Variants in LNX1 observed in about 807,000 individuals in gnomAD.
LNX1 encodes E3 ubiquitin-protein ligase LNX.
In LNX1, 54 loss-of-function variants were observed where a neutral mutation model predicts 68.4. The observed-to-expected ratio is 0.79, with a 90% CI of 0.63 to 0.99. The LOEUF (loss-of-function observed/expected upper bound fraction) is 0.99, where lower values mean the gene tolerates loss of function less well. LNX1 is among the 50% of genes least tolerant of loss of function. The probability of loss-of-function intolerance (pLI) is 0.00; values close to 1 mark genes in which losing one functional copy is unlikely to be tolerated. For synonymous variants in LNX1, 336 were observed against 350.0 expected (o/e 0.96, Z 0.45); for missense variants, 906 against 926.4 (o/e 0.98, Z 0.29).
intron 2 of LNX1, among the ~76,000 whole-genome samples, chr4:53,554,384 A>G (rs1242801859): frequency 2.0e-5 from 3 of 152,246 alleles, no homozygotes; most frequent in Non-Finnish European, 4.4e-5. Flanking sequence ...GTCGTTATAA[A>G]CTATTGGCCC....
chr4:53,541,975 C>T, intron 2 of LNX1, among the ~76,000 whole-genome samples: 1 of 152,168 alleles, frequency 6.6e-6, no homozygotes, highest in South Asian at 2.1e-4. Context: ...CTCCAGATGA[C>T]ACATGGCCCT....
chr4:53,629,835 T>A (rs1734204709), intron 1 of LNX1, among the ~76,000 whole-genome samples: 1 of 152,172 alleles, frequency 6.6e-6, no homozygotes, highest in African/African-American at 2.4e-5. Flanking sequence ...TTAAAAAATA[T>A]TGCAGGTACG....
intron 2 of LNX1, among the ~76,000 whole-genome samples, chr4:53,518,173 G>T (rs926813863): frequency 6.6e-6 from 1 of 152,190 alleles, no homozygotes; most frequent in African/African-American, 2.4e-5. Context: ...CAGGAGAGGC[G>T]TGATGTGCCT....
chr4:53,476,227 G>A (rs1449218799), intron 9 of LNX1, among the ~76,000 whole-genome samples: 1 of 152,172 alleles, frequency 6.6e-6, no homozygotes, highest in African/African-American at 2.4e-5. Flanking sequence ...GAACCCAGGA[G>A]GCCAAGGTTG....
At chr4:53,533,875 A>G (rs890415746) in intron 2 of LNX1, among the ~76,000 whole-genome samples, 3 of 152,204 alleles carry the variant, frequency 2.0e-5, no homozygotes, top group African/African-American at 7.2e-5. Context: ...AGGGGTGCCA[A>G]GCATCTGTGT....
At chr4:53,581,558 G>A (rs1420923901) in intron 1 of LNX1, among the ~76,000 whole-genome samples, 1 of 152,166 alleles carries the variant, frequency 6.6e-6, no homozygotes, top group Admixed American at 6.5e-5. Context: ...TCACAATCAT[G>A]GCGGAAGGTG....
At chr4:53,521,787 C>T (rs887763138) in intron 2 of LNX1, among the ~76,000 whole-genome samples, 3 of 152,092 alleles carry the variant, frequency 2.0e-5, no homozygotes, top group African/African-American at 7.2e-5. Context: ...CTTCTTCTAT[C>T]ACCCTTGGGC....
At chr4:53,501,299 T>TTTTGGGGGGGG (rs56165716) in intron 4 of LNX1, among the ~76,000 whole-genome samples, 4 of 38,794 alleles carry the variant, frequency 1.0e-4, no homozygotes, top group South Asian at 5.2e-4. Flanking sequence ...TTTTTTTTTT[T>TTTTGGGGGGGG]GGGGGTGGGG....
chr4:53,594,918 C>T (rs1462209384), upstream of LNX1, among the ~76,000 whole-genome samples: 4 of 152,052 alleles, frequency 2.6e-5, no homozygotes, highest in African/African-American at 9.7e-5. Context: ...CACTATGGTG[C>T]CCAGGCTGTT....
chr4:53,490,128 A>T (rs562766471), intron 6 of LNX1, among the ~76,000 whole-genome samples: 1 of 42,288 alleles, frequency 2.4e-5, no homozygotes, highest in East Asian at 1.1e-3. Context: ...TTAAATATTG[A>T]TTCATATAAG....
In LNX1 at chr4:53,562,321, A is replaced by G. The variant is rs189237133; in HGVS notation, c.380+11302T>C. Among the ~76,000 whole-genome samples, 461 of 152,308 alleles carry G rather than the reference A, an allele frequency of 3.0e-3. 1 individual carries two copies. Among genetic ancestry groups the G allele is most frequent in the Middle Eastern group, 0.014 (4 of 294 alleles). On this transcript the variant is annotated intron_variant, in intron 2 of 10. Coordinates refer to ENST00000263925, the MANE Select transcript of LNX1 (RefSeq NM_001126328.3). ...GGCTGCCATTCAACTCAATAAGTCC[A>G]TCACCACCCTGGGAATTCTCTACAG... is the stretch of plus-strand genomic sequence containing the variant.
At chr4:53,543,254 C>A (rs1728882135) in intron 2 of LNX1, among the ~76,000 whole-genome samples, 1 of 152,192 alleles carries the variant, frequency 6.6e-6, no homozygotes, top group Admixed American at 6.5e-5. Flanking sequence ...GCAAGGCCTG[C>A]TTATGTAGAA....
intron 2 of LNX1, among the ~76,000 whole-genome samples, chr4:53,566,886 T>A (rs1434453068): frequency 1.3e-5 from 2 of 151,740 alleles, no homozygotes; most frequent in Non-Finnish European, 2.9e-5. Flanking sequence ...CCAACAAAGA[T>A]CAAAAGAGAC....
chr4:53,462,095 G>A (rs1402071368), intron 9 of LNX1, among the ~76,000 whole-genome samples: 1 of 152,048 alleles, frequency 6.6e-6, no homozygotes, highest in Admixed American at 6.6e-5. Context: ...TTTACACCCA[G>A]TGCTACGTTT....
intron 1 of LNX1, among the ~76,000 whole-genome samples, chr4:53,590,170 A>G (rs1732422812): frequency 6.6e-6 from 1 of 152,210 alleles, no homozygotes; most frequent in African/African-American, 2.4e-5. Context: ...GACAGAAATT[A>G]GCAACAAGAA....
At chr4:53,571,605 A>G (rs1232427664) in intron 2 of LNX1, among the ~76,000 whole-genome samples, 1 of 150,496 alleles carries the variant, frequency 6.6e-6, no homozygotes, top group Non-Finnish European at 1.5e-5. Context: ...TGACACCTCA[A>G]TGTTAGTCCA....
At chr4:53,629,566 G>A (rs1425986828) in intron 1 of LNX1, among the ~76,000 whole-genome samples, 1 of 152,236 alleles carries the variant, frequency 6.6e-6, no homozygotes, top group Non-Finnish European at 1.5e-5. Context: ...ACAAACTGCA[G>A]CCCTGCCCAA....
intron 9 of LNX1, among the ~76,000 whole-genome samples, chr4:53,466,109 C>T (rs1448971370): frequency 2.6e-5 from 4 of 152,062 alleles, no homozygotes; most frequent in African/African-American, 7.2e-5. Context: ...CAGCTGCAAA[C>T]CCAAGCTCCA....
At chr4:53,552,510 GT>G (rs1272642194) in intron 2 of LNX1, among the ~76,000 whole-genome samples, 5 of 152,148 alleles carry the variant, frequency 3.3e-5, no homozygotes, top group Non-Finnish European at 5.9e-5. Context: ...CAAATTCTAA[GT>G]TTTTTTCTTG....
Sources: gnomAD v4.1 joint callset for allele counts (sites outside exome capture counted in the v4.1 genomes callset) on GRCh38, gnomAD v4.1.1 for gene constraint, MANE v1.5 for transcripts, NCBI Gene and HGNC (gene_info 2026-07-23, HGNC 2026-07-21) for gene names.